The following TMEM63C variants were observed in gnomAD, a reference collection of about 807,000 sequenced individuals.
The protein encoded by TMEM63C is osmosensitive cation channel TMEM63C.
TMEM63C carries 32 observed loss-of-function variants against 99.2 expected under a neutral mutation model. That is an observed-to-expected ratio of 0.32 (90% CI 0.24 to 0.43). TMEM63C has a LOEUF of 0.43. Ranked by LOEUF, TMEM63C falls within the 20% of genes least tolerant of loss-of-function variation. The pLI is 1.00. For missense variants in TMEM63C, 826 were observed against 1,053.0 expected, an observed-to-expected ratio of 0.78 and a Z score of 2.98; for synonymous variants, 376 against 397.9, an observed-to-expected ratio of 0.94 and a Z score of 0.66.
intron 3 of TMEM63C, among the ~76,000 whole-genome samples, 175 bp from the exon 4 acceptor site, chr14:77,219,323 G>A (rs115033141): frequency 2.6e-5 from 4 of 152,126 alleles, no homozygotes; most frequent in African/African-American, 9.7e-5. Context: ...GCTGCTGGGC[G>A]CTGGCAACCT....
intron 2 of TMEM63C, among the ~76,000 whole-genome samples, chr14:77,217,241 C>T (rs1808623729): frequency 6.6e-6 from 1 of 152,192 alleles, no homozygotes; most frequent in African/African-American, 2.4e-5. Flanking sequence ...GCTTCCCCAA[C>T]TCTCCGGGCA....
At chr14:77,182,855 G>A (rs572055299) in intron 1 of TMEM63C, among the ~76,000 whole-genome samples, 1 of 152,236 alleles carries the variant, frequency 6.6e-6, no homozygotes, top group South Asian at 2.1e-4. Context: ...TTTGAGGAGA[G>A]GAAGGCCCGT....
At chr14:77,217,597 T>C (rs1461816271) in intron 2 of TMEM63C, among the ~76,000 whole-genome samples, 1 of 152,206 alleles carries the variant, frequency 6.6e-6, no homozygotes. Context: ...AAATGAATGA[T>C]CTTTTGAGAG....
intron 6 of TMEM63C, among the ~76,000 whole-genome samples, chr14:77,227,844 A>G (rs1225933058): frequency 6.6e-6 from 1 of 152,024 alleles, no homozygotes; most frequent in Non-Finnish European, 1.5e-5. Context: ...AGAGGCAGAG[A>G]AGGAAGGTCA....
chr14:77,256,728 C>G lies in TMEM63C; in HGVS notation c.*2C>G, dbSNP rs777019151. On this transcript the variant is annotated 3_prime_UTR_variant, in exon 24 of 24. Coordinates refer to ENST00000298351, the MANE Select transcript of TMEM63C (RefSeq NM_020431.4). ...GAGGGCCAGAACCAGTACCACTGAC[C>G]GGGACCTGAGGCCTCCACTGGCGAC... The G allele has an allele frequency of 1.2e-6, 2 of 1,613,358 alleles. No individual in the cohort carries two copies. The highest frequency in any genetic ancestry group is 1.1e-5 in the South Asian group (1 of 91,056).
chr14:77,195,571 CCCT>C (rs1220884916), intron 1 of TMEM63C, among the ~76,000 whole-genome samples: 18 of 152,284 alleles, frequency 1.2e-4, no homozygotes, highest in Admixed American at 1.2e-3. Flanking sequence ...GCAAACCCTC[CCCT>C]CCTCCTGCAG....
intron 1 of TMEM63C, among the ~76,000 whole-genome samples, chr14:77,202,776 G>A (rs1346299974): frequency 6.6e-6 from 1 of 151,688 alleles, no homozygotes; most frequent in Non-Finnish European, 1.5e-5. Context: ...GTTCAACCCA[G>A]TAGCGCTGCA....
intron 1 of TMEM63C, among the ~76,000 whole-genome samples, chr14:77,205,177 A>G (rs1181067986): frequency 6.6e-6 from 1 of 152,170 alleles, no homozygotes; most frequent in African/African-American, 2.4e-5. Context: ...GAGGCTGGAG[A>G]TGGAAGTGAG....
intron 12 of TMEM63C, among the ~76,000 whole-genome samples, 177 bp downstream of exon 12, chr14:77,239,903 C>A (rs1032579411): frequency 1.3e-5 from 2 of 152,206 alleles, no homozygotes; most frequent in Non-Finnish European, 2.9e-5. Flanking sequence ...GAGATGGGAG[C>A]CTTTCTGGAG....
intron 2 of TMEM63C, among the ~76,000 whole-genome samples, chr14:77,216,242 A>G (rs1594856316): frequency 6.6e-6 from 1 of 151,786 alleles, no homozygotes; most frequent in African/African-American, 2.4e-5. Context: ...AACCCAGGAC[A>G]CCACCCTCTC....
chr14:77,182,152 C>T (rs996012273), intron 1 of TMEM63C, among the ~76,000 whole-genome samples: 5 of 152,088 alleles, frequency 3.3e-5, no homozygotes, highest in Admixed American at 3.3e-4. Context: ...GTAGACCGGT[C>T]TTCACTGGGT....
At chr14:77,216,030 G>C (rs1209496034) in intron 2 of TMEM63C, among the ~76,000 whole-genome samples, 1 of 152,128 alleles carries the variant, frequency 6.6e-6, no homozygotes, top group African/African-American at 2.4e-5. Context: ...GCTGGGCGCA[G>C]TGGCTCGTGC....
intron 23 of TMEM63C, 45 bp from the exon 24 acceptor site, chr14:77,256,479 GCC>G: frequency 6.3e-7 from 1 of 1,595,154 alleles, no homozygotes; most frequent in Non-Finnish European, 8.6e-7. Context: ...CCAGGGCCTT[GCC>G]CCCAACGTGA....
intron 1 of TMEM63C, among the ~76,000 whole-genome samples, chr14:77,190,117 G>GATTATT (rs78866424): frequency 6.0e-4 from 34 of 56,380 alleles, no homozygotes; most frequent in African/African-American, 1.2e-3. Flanking sequence ...ATAGAATTAT[G>GATTATT]ATTATTATTA....
chr14:77,203,087 C>T (rs142013302), intron 1 of TMEM63C, among the ~76,000 whole-genome samples: 2 of 152,216 alleles, frequency 1.3e-5, no homozygotes, highest in East Asian at 3.9e-4. Context: ...ATTCAAAAAG[C>T]AATAAAGACG....
rs573989602 is a variant in TMEM63C at position 77,210,798 on chromosome 14, T to C, written c.-76-2648T>C. On this transcript the variant is annotated intron_variant, in intron 1 of 23. Coordinates refer to ENST00000298351, the MANE Select transcript of TMEM63C (RefSeq NM_020431.4). ...TTACCTGTTGTTAACAAAAAGATGATTAATTATTGAAGCTACTGAGAAGGC... is the reference window on the plus strand; with the variant it reads ...TTACCTGTTGTTAACAAAAAGATGACTAATTATTGAAGCTACTGAGAAGGC... Among the ~76,000 whole-genome samples the C allele has an allele frequency of 2.0e-5, 3 of 152,168 alleles. No homozygotes were observed. The East Asian group carries it at 5.8e-4, about 29-fold the overall frequency.
chr14:77,191,532 C>CTTTTTTTTT (rs1888107205), intron 1 of TMEM63C, among the ~76,000 whole-genome samples: 1 of 92,416 alleles, frequency 1.1e-5, no homozygotes, highest in Non-Finnish European at 2.2e-5. Flanking sequence ...TTTCTTTTTT[C>CTTTTTTTTT]TTTTTCTTTT....
At chr14:77,186,011 T>G (rs113566586) in intron 1 of TMEM63C, among the ~76,000 whole-genome samples, 2,754 of 151,340 alleles carry the variant, frequency 0.018, 87 homozygotes, top group African/African-American at 0.063. Context: ...CATGTTTTGT[T>G]GTTGTTGTTT....
At chr14:77,185,050 C>G (rs1325373931) in intron 1 of TMEM63C, among the ~76,000 whole-genome samples, 1 of 152,164 alleles carries the variant, frequency 6.6e-6, no homozygotes, top group Non-Finnish European at 1.5e-5. Flanking sequence ...GGAAGGGGCG[C>G]CTCATTGTCA....
Sources: allele counts gnomAD v4.1 joint callset (sites outside exome capture counted in the v4.1 genomes callset), GRCh38; gene constraint gnomAD v4.1.1; transcripts MANE v1.5; gene names NCBI Gene and HGNC (gene_info 2026-07-23, HGNC 2026-07-21).